SDK1: variants seen among roughly 807,000 people sequenced by gnomAD.
SDK1 encodes protein sidekick-1.
A neutral mutation model predicts 245.5 loss-of-function variants in SDK1; 157 were observed. The ratio of observed to expected loss-of-function variants is 0.64; its 90% CI spans 0.56 to 0.73. The LOEUF (loss-of-function observed/expected upper bound fraction) is 0.73, where lower values mean the gene tolerates loss of function less well. Among genes scored for constraint, SDK1 ranks in the 30% least tolerant of loss-of-function variants. The pLI is 0.00. For synonymous variants in SDK1, 1,647 were observed against 1,278.5 expected, an observed-to-expected ratio of 1.29 and a Z score of -6.15; for missense variants, 3,583 against 3,002.3, an observed-to-expected ratio of 1.19 and a Z score of -4.52.
chr7:3,629,838 T>G (rs894184522), intron 2 of SDK1, among the ~76,000 whole-genome samples: 1 of 152,144 alleles, frequency 6.6e-6, no homozygotes, highest in African/African-American at 2.4e-5. Flanking sequence ...GAGAAATCAG[T>G]TGATTGAAAC....
intron 40 of SDK1, among the ~76,000 whole-genome samples, chr7:4,224,426 G>A (rs900322310): frequency 6.6e-6 from 1 of 152,056 alleles, no homozygotes; most frequent in Admixed American, 6.5e-5. Flanking sequence ...TAAACAACCA[G>A]GTCTCATGAG....
intron 1 of SDK1, among the ~76,000 whole-genome samples, chr7:3,506,749 G>A (rs1782404331): frequency 6.6e-6 from 1 of 151,016 alleles, no homozygotes; most frequent in Admixed American, 6.6e-5. Context: ...CTATATCCAG[G>A]GAGTATTCCA....
intron 1 of SDK1, among the ~76,000 whole-genome samples, chr7:3,441,352 T>C (rs1436837016): frequency 3.3e-5 from 5 of 152,068 alleles, no homozygotes; most frequent in African/African-American, 7.2e-5. Flanking sequence ...AGGACTCTTG[T>C]ACATCATGAC....
At chr7:3,609,331 A>C (rs1366929658) in intron 1 of SDK1, among the ~76,000 whole-genome samples, 1 of 152,136 alleles carries the variant, frequency 6.6e-6, no homozygotes, top group Non-Finnish European at 1.5e-5. Flanking sequence ...TGATTGAGAA[A>C]CCCAGACATA....
chr7:4,003,092 G>A (rs147356029), intron 14 of SDK1, among the ~76,000 whole-genome samples: 2,669 of 152,360 alleles, frequency 0.018, 30 homozygotes, highest in Non-Finnish European at 0.027. Context: ...GCCTCAAGGA[G>A]GAATCCCAGT....
intron 1 of SDK1, among the ~76,000 whole-genome samples, chr7:3,610,325 G>T (rs1465149577): frequency 6.6e-6 from 1 of 152,114 alleles, no homozygotes; most frequent in Non-Finnish European, 1.5e-5. Context: ...AATCAGGGTT[G>T]ATTTCTTAAG....
At chr7:3,876,262 T>A (rs568028914) in intron 5 of SDK1, among the ~76,000 whole-genome samples, 1 of 152,298 alleles carries the variant, frequency 6.6e-6, no homozygotes, top group Middle Eastern at 3.4e-3. Context: ...TCTCCTAATT[T>A]CCAGCTTTTT....
chr7:4,079,253 A>T (rs1287003586), intron 21 of SDK1, among the ~76,000 whole-genome samples: 1 of 152,202 alleles, frequency 6.6e-6, no homozygotes, highest in Non-Finnish European at 1.5e-5. Flanking sequence ...CCCAAAGCCC[A>T]CTGGGTCACC....
At chr7:3,961,691 C>G (rs985653252) in intron 8 of SDK1, among the ~76,000 whole-genome samples, 1 of 152,152 alleles carries the variant, frequency 6.6e-6, no homozygotes, top group East Asian at 1.9e-4. Context: ...CATGAAGGCC[C>G]ATGATATCCA....
intron 14 of SDK1, among the ~76,000 whole-genome samples, chr7:4,001,993 T>G (rs1785111302): frequency 6.6e-6 from 1 of 152,234 alleles, no homozygotes; most frequent in Non-Finnish European, 1.5e-5. Context: ...GCCCTCGCAG[T>G]CCCCTGCAGG....
intron 17 of SDK1, among the ~76,000 whole-genome samples, chr7:4,035,832 C>CA (rs1788169313): frequency 6.6e-6 from 1 of 151,950 alleles, no homozygotes; most frequent in East Asian, 1.9e-4. Context: ...ATGGCCTTGT[C>CA]AAAAAAACTC....
chr7:4,205,481 G>T lies in SDK1; in HGVS notation c.5099-398G>T, dbSNP rs565188604. ...TGCTTTGATCTCACAGCAACCATCA[G>T]ACCAGCCCCTAAGCCTGGTCAGGTA... On this transcript the variant is annotated intron_variant, in intron 35 of 44. Coordinates refer to ENST00000404826, the MANE Select transcript of SDK1 (RefSeq NM_152744.4). Among the ~76,000 whole-genome samples, 25 of 152,238 alleles carry T rather than the reference G, an allele frequency of 1.6e-4. No homozygotes were observed. The South Asian group carries it at 5.0e-3, about 30-fold the overall frequency.
At chr7:3,720,456 G>A (rs920697904) in intron 4 of SDK1, among the ~76,000 whole-genome samples, 1 of 152,054 alleles carries the variant, frequency 6.6e-6, no homozygotes, top group East Asian at 1.9e-4. Context: ...ATATACAAAT[G>A]GCAAACAAAC....
intron 1 of SDK1, among the ~76,000 whole-genome samples, chr7:3,503,307 C>G (rs553144642): frequency 6.6e-6 from 1 of 152,156 alleles, no homozygotes; most frequent in Non-Finnish European, 1.5e-5. Flanking sequence ...TTATAAATTT[C>G]AAAATGATAC....
intron 5 of SDK1, among the ~76,000 whole-genome samples, chr7:3,849,265 C>G (rs540367171): frequency 7.9e-5 from 12 of 152,198 alleles, no homozygotes; most frequent in Non-Finnish European, 1.2e-4. Flanking sequence ...GATGCACCCA[C>G]TCCTGGCTCA....
chr7:4,174,580 C>G (rs1382356462), intron 33 of SDK1, among the ~76,000 whole-genome samples: 1 of 152,158 alleles, frequency 6.6e-6, no homozygotes. Context: ...GCCTTGTCTA[C>G]CACAGACTGT....
At chr7:3,331,379 T>G (rs1780065218) in intron 1 of SDK1, among the ~76,000 whole-genome samples, 2 of 152,238 alleles carry the variant, frequency 1.3e-5, no homozygotes, top group Non-Finnish European at 2.9e-5. Flanking sequence ...TTTTTACTTG[T>G]ACTTCCTCAA....
chr7:3,698,618 G>A (rs930064576), intron 4 of SDK1, among the ~76,000 whole-genome samples: 4 of 152,152 alleles, frequency 2.6e-5, no homozygotes, highest in African/African-American at 9.7e-5. Flanking sequence ...TTAGACAGCG[G>A]ACGTCTATTT....
rs1027534326 is a variant in SDK1, at chr7:3,784,637, A to G, written c.714-36813A>G. On this transcript the variant is annotated intron_variant, in intron 4 of 44. Coordinates refer to ENST00000404826, the MANE Select transcript of SDK1 (RefSeq NM_152744.4). ...GGTCACATCAGAAATCACTAAGGAA[A>G]TGCAAATTGAAATCACAATGAGAAA... is the stretch of plus-strand genomic sequence containing the variant. Among the ~76,000 whole-genome samples, 73 of 152,206 alleles carry G rather than the reference A, an allele frequency of 4.8e-4. 1 individual carries two copies. Among genetic ancestry groups the G allele is most frequent in the African/African-American group, 1.7e-3 (71 of 41,452 alleles).
Sources: allele counts gnomAD v4.1 joint callset (sites outside exome capture counted in the v4.1 genomes callset), GRCh38; gene constraint gnomAD v4.1.1; transcripts MANE v1.5; gene names NCBI Gene and HGNC (gene_info 2026-07-23, HGNC 2026-07-21).